TGIF1: variants seen among roughly 807,000 people sequenced by gnomAD.
TGIF1 encodes the protein TGFB induced factor homeobox 1.
A neutral mutation model predicts 19.3 loss-of-function variants in TGIF1; 4 were observed. That is an observed-to-expected ratio of 0.21 (90% CI 0.10 to 0.47). The LOEUF (loss-of-function observed/expected upper bound fraction) is 0.47. Ranked by LOEUF, TGIF1 falls within the 20% of genes least tolerant of loss-of-function variation. The probability of loss-of-function intolerance (pLI) is 0.98; values close to 1 mark genes in which losing one functional copy is unlikely to be tolerated. For missense variants in TGIF1, 275 were observed against 341.4 expected (o/e 0.81, Z 1.53); for synonymous variants, 122 against 129.3 (o/e 0.94, Z 0.38).
In TGIF1 at chr18:3,457,209, T is replaced by A; in HGVS notation, c.244-156T>A. The A allele has an allele frequency of 2.3e-6, 2 of 875,976 alleles. No individual in the cohort carries two copies. The highest frequency in any genetic ancestry group is 3.6e-6 in the Non-Finnish European group (2 of 556,910). 54.3% of individuals were successfully genotyped at this position (875,976 alleles called of 1,614,324 possible). The stretch of plus-strand genomic sequence containing the variant: ...TGGTAGCTTGCTTTCTTGGCGGAGC[T>A]CAGATACCTTGAAATAACATTGTAA... On this transcript the variant is annotated intron_variant, in intron 2 of 2. Coordinates refer to ENST00000343820, the MANE Select transcript of TGIF1 (RefSeq NM_003244.4). This position sits in a 1 kb window ranked among gnomAD's most constrained non-coding sequence, Gnocchi z 4.9.
chr18:3,438,596 A>AACACACACACACACATACAC (rs1555647867), intron 2 of TGIF1, among the ~76,000 whole-genome samples: 1 of 136,002 alleles, frequency 7.4e-6, no homozygotes, highest in Non-Finnish European at 1.6e-5. Flanking sequence ...CATACACACA[A>AACACACACACACACATACAC]ACACACACAC....
intron 2 of TGIF1, among the ~76,000 whole-genome samples, chr18:3,441,217 A>AT (rs1375099347): frequency 6.6e-6 from 1 of 152,102 alleles, no homozygotes; most frequent in Non-Finnish European, 1.5e-5. Flanking sequence ...TGCTACAACT[A>AT]TTTTTCCAAG....
Position 3,457,893 on chromosome 18 carries a change from C to T in TGIF1, c.772C>T (p.Leu258Phe). Residue 258 changes from leucine to phenylalanine, a missense_variant, in exon 3 of 3, where the codon CTC becomes TTC. Leu to Phe is a conservative substitution (Grantham distance 22). Coordinates refer to ENST00000343820, the MANE Select transcript of TGIF1 (RefSeq NM_003244.4). This position sits in a 1 kb window ranked among gnomAD's most constrained non-coding sequence, Gnocchi z 4.9. ...SGFQLLVDVALKRAAEMELQA... is the reference protein window; with the variant it reads ...SGFQLLVDVAFKRAAEMELQA... ...ATTTCAGCTTCTAGTGGATGTTGCA[C>T]TCAAACGGGCTGCAGAGATGGAGCT... The T allele has an allele frequency of 6.2e-7, 1 of 1,602,634 alleles. No individual in the cohort carries two copies.
chr18:3,434,557 T>A lies in TGIF1; in HGVS notation c.-45+16342T>A, dbSNP rs1598872893. On this transcript the variant is annotated intron_variant, in intron 2 of 3. Transcript: ENST00000401449. The stretch of plus-strand genomic sequence containing the variant: ...ATCTCAAAAAATAAAAATAAAAAAA[T>A]AAAAAAAATTAGCCAGGCGTGGTGG... 2.9e-5 allele frequency among the ~76,000 whole-genome samples: 4 copies of A among 140,316 alleles called. No individual in the cohort carries two copies. In the East Asian group the frequency reaches 6.3e-4, roughly 22 times the overall value. 92.1% of individuals were successfully genotyped at this position (140,316 alleles called of 152,430 possible). A position where few individuals can be genotyped will look rare whatever the true frequency, so the allele number is the denominator to read the frequency against.
intron 2 of TGIF1, among the ~76,000 whole-genome samples, chr18:3,435,874 AT>A (rs1312127846): frequency 6.6e-6 from 1 of 151,978 alleles, no homozygotes; most frequent in Non-Finnish European, 1.5e-5. Flanking sequence ...ATGTATATAT[AT>A]TTAGGGACAA....
Position 3,450,232 on chromosome 18 carries a change from G to A in TGIF1, c.-258G>A, listed in dbSNP as rs1368286509. 2 of 1,420,288 alleles carry A rather than the reference G, an allele frequency of 1.4e-6. No individual in the cohort carries two copies. The highest frequency in any genetic ancestry group is 1.8e-6 in the Non-Finnish European group (2 of 1,091,582). The allele number at this position is 1,420,288 out of a possible 1,614,324, so 88.0% of individuals were successfully genotyped here. A position where few individuals can be genotyped will look rare whatever the true frequency, so the allele number is the denominator to read the frequency against. ...GGGAACAAAGGAGCGGAGAGGGGAGGGGAGAGAGTTGGGCGAGGGAGAGCC... is the reference window on the plus strand; with the variant it reads ...GGGAACAAAGGAGCGGAGAGGGGAGAGGAGAGAGTTGGGCGAGGGAGAGCC... On this transcript the variant is annotated 5_prime_UTR_variant, in exon 1 of 3. Coordinates refer to ENST00000343820, the MANE Select transcript of TGIF1 (RefSeq NM_003244.4).
Position 3,457,203 on chromosome 18 carries a change from C to T in TGIF1, c.244-162C>T, listed in dbSNP as rs1281907538. 11 of 838,466 alleles carry T rather than the reference C, an allele frequency of 1.3e-5. No homozygotes were observed. The highest frequency in any genetic ancestry group is 4.5e-5 in the Admixed American group (2 of 44,010). 51.9% of individuals were successfully genotyped at this position (838,466 alleles called of 1,614,324 possible). A position where few individuals can be genotyped will look rare whatever the true frequency, so the allele number is the denominator to read the frequency against. On this transcript the variant is annotated intron_variant, in intron 2 of 2. Transcript: ENST00000343820. The surrounding 1 kb of genome is among the most constrained non-coding windows in gnomAD (Gnocchi z 4.9). ...GACAGGTGGTAGCTTGCTTTCTTGG[C>T]GGAGCTCAGATACCTTGAAATAACA... is the stretch of plus-strand genomic sequence containing the variant.
chr18:3,454,884 C>T (rs2083115812), intron 1 of TGIF1, among the ~76,000 whole-genome samples: 1 of 152,136 alleles, frequency 6.6e-6, no homozygotes, highest in African/African-American at 2.4e-5. Context: ...CTGCCCCCTG[C>T]AGTCCAAAAC....
rs532244052 is a variant in TGIF1, at chr18:3,443,143, A to T, written c.-44-13211A>T. On this transcript the variant is annotated intron_variant, in intron 2 of 3. Transcript: ENST00000401449. ...AGCCGGTTCATTATCAGTATGCCCC[A>T]GTACACAATCAGAAGGGGCTCTTCT... Among the ~76,000 whole-genome samples the T allele has an allele frequency of 1.8e-4, 28 of 152,336 alleles. 1 individual carries two copies. The highest frequency in any genetic ancestry group is 6.8e-3 in the Middle Eastern group (2 of 294).
At chr18:3,439,473 AG>A (rs2082656168) in intron 2 of TGIF1, among the ~76,000 whole-genome samples, 1 of 151,374 alleles carries the variant, frequency 6.6e-6, no homozygotes, top group Non-Finnish European at 1.5e-5. Context: ...CCACCCGATT[AG>A]CTGGGATTAC....
chr18:3,424,656 T>C (rs1177580224), intron 2 of TGIF1, among the ~76,000 whole-genome samples: 1 of 152,212 alleles, frequency 6.6e-6, no homozygotes, highest in Non-Finnish European at 1.5e-5. Context: ...GTAGGAACTT[T>C]CAGCCCCACC....
At position 3,451,647 on chromosome 18, in the gene TGIF1, C is replaced by T. The variant is rs564348577; in HGVS notation, c.16+1142C>T. On this transcript the variant is annotated intron_variant, in intron 1 of 2. Coordinates refer to ENST00000343820, the MANE Select transcript of TGIF1 (RefSeq NM_003244.4). This position sits in a 1 kb window ranked among gnomAD's most constrained non-coding sequence, Gnocchi z 5.4. ...GCGTTCCTGGGGGGTAGCCTCAAGG[C>T]CAGCGGGGTTCCTTCGGCTGCGTTT... 2 of 1,133,236 alleles carry T rather than the reference C, an allele frequency of 1.8e-6. No homozygotes were observed. The highest frequency in any genetic ancestry group is 4.5e-5 in the East Asian group (1 of 22,104). 70.2% of individuals were successfully genotyped at this position (1,133,236 alleles called of 1,614,324 possible).
At chr18:3,426,992 C>T (rs1043363493) in intron 2 of TGIF1, among the ~76,000 whole-genome samples, 1 of 142,716 alleles carries the variant, frequency 7.0e-6, no homozygotes, top group Non-Finnish European at 1.5e-5. Flanking sequence ...GGCATGATCT[C>T]GGCTCACTGC....
upstream of TGIF1, chr18:3,450,022 G>A (rs532133112): frequency 2.8e-4 from 274 of 992,634 alleles, no homozygotes; most frequent in Admixed American, 4.2e-4. Flanking sequence ...GCCCCCGAGG[G>A]ACGAGTGACA....
chr18:3,413,739 A>G (rs2082298330), intron 1 of TGIF1, among the ~76,000 whole-genome samples: 1 of 152,126 alleles, frequency 6.6e-6, no homozygotes, highest in Admixed American at 6.5e-5. Context: ...TTTTTTTCTG[A>G]TTACAAATGA....
At chr18:3,433,640 G>A (rs1462427080) in intron 2 of TGIF1, among the ~76,000 whole-genome samples, 5 of 152,176 alleles carry the variant, frequency 3.3e-5, no homozygotes, top group Non-Finnish European at 7.3e-5. Flanking sequence ...GTGGGGAGGA[G>A]AGAACGATGA....
At chr18:3,447,695 T>A, upstream of TGIF1, 1 of 1,611,724 alleles carries the variant, frequency 6.2e-7, no homozygotes, top group Non-Finnish European at 8.5e-7. Flanking sequence ...ATTGTGCCAG[T>A]GTTTCTCTTT....
intron 2 of TGIF1, among the ~76,000 whole-genome samples, chr18:3,443,157 A>AG (rs1346918391): frequency 6.6e-6 from 1 of 152,210 alleles, no homozygotes; most frequent in African/African-American, 2.4e-5. Context: ...CACAATCAGA[A>AG]GGGGCTCTTC....
At chr18:3,448,107 G>A (rs968111847), upstream of TGIF1, 24 of 927,702 alleles carry the variant, frequency 2.6e-5, no homozygotes, top group Admixed American at 3.3e-4. Context: ...GACCGAAGGC[G>A]TGTTTTGTGG....
Sources: gnomAD v4.1 joint callset for allele counts (sites outside exome capture counted in the v4.1 genomes callset) on GRCh38, gnomAD v4.1.1 for gene constraint, Gnocchi (gnomAD v3.1) non-coding constraint, MANE v1.5 for transcripts, NCBI Gene and HGNC (gene_info 2026-07-23, HGNC 2026-07-21) for gene names.